Variants in PPP1R9A observed in about 807,000 individuals in gnomAD.
PPP1R9A encodes the protein protein phosphatase 1 regulatory subunit 9A.
In PPP1R9A, 59 loss-of-function variants were observed where a neutral mutation model predicts 141.9. The observed-to-expected ratio is 0.42, with a 90% CI of 0.34 to 0.52. The LOEUF is 0.52. PPP1R9A is among the 20% of genes least tolerant of loss of function. The pLI, the probability that PPP1R9A is intolerant of heterozygous loss-of-function variation, is 0.10. For missense variants in PPP1R9A, 1,444 were observed against 1,611.9 expected, an observed-to-expected ratio of 0.90 and a Z score of 1.78; for synonymous variants, 500 against 569.7, an observed-to-expected ratio of 0.88 and a Z score of 1.74.
intron 12 of PPP1R9A, among the ~76,000 whole-genome samples, chr7:95,258,819 C>T (rs1799998015): frequency 2.0e-5 from 3 of 152,038 alleles, no homozygotes; most frequent in South Asian, 4.1e-4. Context: ...ATGTGATAGC[C>T]AGCACATGGA....
At chr7:94,973,022 T>G (rs1318334693) in intron 2 of PPP1R9A, among the ~76,000 whole-genome samples, 4 of 152,018 alleles carry the variant, frequency 2.6e-5, no homozygotes, top group African/African-American at 4.8e-5. Flanking sequence ...ACACAATATA[T>G]TTTTAAAAAC....
rs115810750 is a variant in PPP1R9A at position 95,184,759 on chromosome 7, T to C, written c.1755-13590T>C. ...TGAGTTACTTTACTTAGAATAATGG[T>C]GTCCAACTCCATCCAGGTTGCTGCA... On this transcript the variant is annotated intron_variant, in intron 5 of 19. Coordinates refer to ENST00000433360, the MANE Select transcript of PPP1R9A (RefSeq NM_001166160.2). Among the ~76,000 whole-genome samples the C allele has an allele frequency of 8.7e-3, 1,331 of 152,292 alleles. 16 individuals are homozygous for C. Among genetic ancestry groups the C allele is most frequent in the African/African-American group, 0.031 (1,277 of 41,562 alleles).
At chr7:95,169,896 A>G (rs1831850119) in intron 5 of PPP1R9A, among the ~76,000 whole-genome samples, 2 of 151,926 alleles carry the variant, frequency 1.3e-5, no homozygotes, top group South Asian at 2.1e-4. Context: ...ATGAGCCACA[A>G]TCAGTGGAAA....
At chr7:94,960,000 A>G (rs1253896021) in intron 2 of PPP1R9A, among the ~76,000 whole-genome samples, 1 of 151,674 alleles carries the variant, frequency 6.6e-6, no homozygotes, top group Non-Finnish European at 1.5e-5. Flanking sequence ...GCATGTAAAA[A>G]TTAATTTCTG....
intron 7 of PPP1R9A, among the ~76,000 whole-genome samples, chr7:95,204,751 C>T (rs1227870631): frequency 1.4e-5 from 2 of 141,456 alleles, no homozygotes; most frequent in Non-Finnish European, 3.1e-5. Flanking sequence ...ACACACCCAC[C>T]ACACATACCC....
intron 3 of PPP1R9A, among the ~76,000 whole-genome samples, chr7:95,119,219 C>T (rs544789232): frequency 1.9e-4 from 28 of 151,270 alleles, no homozygotes; most frequent in African/African-American, 3.6e-4. Flanking sequence ...ACATGTGGCA[C>T]GCAAAATAGT....
rs140508899 is a variant in PPP1R9A, at chr7:94,910,927, C to A, written c.814C>A (p.His272Asn). 6.2e-7 allele frequency: 1 copy of A among 1,614,100 alleles called. No homozygotes were observed. The highest frequency in any genetic ancestry group is 1.1e-5 in the South Asian group (1 of 91,074). Reference sequence around the variant, plus strand: ...GCGAGGTGTTGATACAGAGGATGCTCACAAGAGTAATGCAACTCCAGTACC... The same window carrying A: ...GCGAGGTGTTGATACAGAGGATGCTAACAAGAGTAATGCAACTCCAGTACC... The part of the protein sequence containing the change: ...NKRGVDTEDA[H>N]KSNATPVPEV... The change falls in exon 2 of 20, where the codon CAC becomes AAC. Residue 272 changes from histidine (H) to asparagine (N), a missense_variant. By Grantham distance (68) the His-to-Asn change is moderately conservative. Around this residue, in one of 5 missense-constraint regions of PPP1R9A, gnomAD observed 490 missense variants for 521.1 expected, o/e 0.94. Transcript: ENST00000433360. The surrounding 1 kb of genome is among the most constrained non-coding windows in gnomAD (Gnocchi z 4.5).
chr7:95,267,142 C>A (rs1465545850), intron 12 of PPP1R9A, among the ~76,000 whole-genome samples: 1 of 152,028 alleles, frequency 6.6e-6, no homozygotes, highest in Non-Finnish European at 1.5e-5. Flanking sequence ...TTGTTAGAGC[C>A]ATATACTAAG....
At chr7:95,242,089 T>G (rs1166579076) in intron 8 of PPP1R9A, among the ~76,000 whole-genome samples, 1 of 152,160 alleles carries the variant, frequency 6.6e-6, no homozygotes, top group Non-Finnish European at 1.5e-5. Context: ...GTAAAACACT[T>G]TCGTTAATAC....
intron 2 of PPP1R9A, among the ~76,000 whole-genome samples, chr7:95,053,766 A>G (rs1811118638): frequency 6.6e-6 from 1 of 152,112 alleles, no homozygotes; most frequent in Non-Finnish European, 1.5e-5. Flanking sequence ...ATCTTCCCTC[A>G]TTTAGGTTTC....
chr7:95,278,485 A>G (rs1319266308), intron 16 of PPP1R9A, among the ~76,000 whole-genome samples: 1 of 152,020 alleles, frequency 6.6e-6, no homozygotes, highest in Non-Finnish European at 1.5e-5. Flanking sequence ...AATGTGGTTC[A>G]TTTATATTTC....
At chr7:95,141,243 G>C (rs913764412) in intron 4 of PPP1R9A, among the ~76,000 whole-genome samples, 1 of 152,124 alleles carries the variant, frequency 6.6e-6, no homozygotes, top group African/African-American at 2.4e-5. Context: ...GAAGAAACTT[G>C]AAAACTAGGC....
chr7:94,930,604 T>C (rs1794039568), intron 2 of PPP1R9A, among the ~76,000 whole-genome samples: 1 of 152,128 alleles, frequency 6.6e-6, no homozygotes, highest in Non-Finnish European at 1.5e-5. Flanking sequence ...CCTCCTAAAG[T>C]GCTGGGATTA....
At chr7:95,213,947 C>A (rs1481794708) in intron 7 of PPP1R9A, among the ~76,000 whole-genome samples, 1 of 152,136 alleles carries the variant, frequency 6.6e-6, no homozygotes, top group African/African-American at 2.4e-5. Flanking sequence ...TGTTGCTAAG[C>A]TTTGTGTCAC....
Position 95,111,375 on chromosome 7 carries a change from A to G in PPP1R9A, c.1512A>G (p.Pro504=), listed in dbSNP as rs151099122. ...EKRVEKLELF[P]VELEKDEDGL... ...GTGTAGAAAAGCTGGAACTTTTCCC[A>G]GTGGAGCTAGAGAAAGGTTCGTGAG... The change falls in exon 3 of 20, where the codon CCA becomes CCG. Residue 504 remains proline (P), a synonymous_variant. Coordinates refer to ENST00000433360, the MANE Select transcript of PPP1R9A (RefSeq NM_001166160.2). The G allele has an allele frequency of 2.6e-3, 4,167 of 1,613,722 alleles. 9 individuals carry two copies. The highest frequency in any genetic ancestry group is 3.3e-3 in the Non-Finnish European group (3,935 of 1,179,696).
chr7:95,187,849 C>T (rs1834871958), intron 5 of PPP1R9A, among the ~76,000 whole-genome samples: 1 of 151,644 alleles, frequency 6.6e-6, no homozygotes, highest in Admixed American at 6.6e-5. Flanking sequence ...AGTTTTATTC[C>T]CCTGTGGTCT....
chr7:95,287,084 G>A (rs1463722471), intron 18 of PPP1R9A: 4 of 1,603,462 alleles, frequency 2.5e-6, no homozygotes, highest in Non-Finnish European at 3.4e-6. Context: ...TTTTCTTCTT[G>A]ATTCTTTTAT....
chr7:94,952,370 T>C (rs562929009), intron 2 of PPP1R9A, among the ~76,000 whole-genome samples: 6 of 152,320 alleles, frequency 3.9e-5, no homozygotes, highest in Non-Finnish European at 7.4e-5. Flanking sequence ...GCATTTGGGT[T>C]GGTTCCAAGT....
intron 19 of PPP1R9A, among the ~76,000 whole-genome samples, chr7:95,289,881 G>T (rs967537376): frequency 6.6e-6 from 1 of 151,906 alleles, no homozygotes; most frequent in Admixed American, 6.6e-5. Context: ...TGAGCTTTAG[G>T]GTATACTTTG....
Sources: allele counts gnomAD v4.1 joint callset (sites outside exome capture counted in the v4.1 genomes callset), GRCh38; gene constraint gnomAD v4.1.1; regional missense constraint gnomAD v4.1.1; non-coding constraint Gnocchi (gnomAD v3.1); transcripts MANE v1.5; gene names NCBI Gene and HGNC (gene_info 2026-07-23, HGNC 2026-07-21).